The following ACOXL variants were observed in gnomAD, a reference collection of about 807,000 sequenced individuals.
ACOXL encodes acyl-CoA oxidase like, also known as acyl-coenzyme A oxidase-like protein.
A neutral mutation model predicts 71.9 loss-of-function variants in ACOXL; 70 were observed. That is an observed-to-expected ratio of 0.97 (90% CI 0.80 to 1.19). The LOEUF is 1.19. Among genes scored for constraint, ACOXL ranks in the 50% most tolerant of loss-of-function variants. The probability of loss-of-function intolerance (pLI) is 0.00; values close to 1 mark genes in which losing one functional copy is unlikely to be tolerated. For missense variants in ACOXL, 703 were observed against 736.3 expected (o/e 0.95, Z 0.52); for synonymous variants, 253 against 281.6 (o/e 0.90, Z 1.02).
intron 13 of ACOXL, among the ~76,000 whole-genome samples, chr2:110,991,480 T>C (rs1023008362): frequency 6.6e-6 from 1 of 152,202 alleles, no homozygotes; most frequent in Non-Finnish European, 1.5e-5. Flanking sequence ...TTTTTTCTTT[T>C]GTGTATTTTT....
chr2:110,933,604 C>T lies in ACOXL; in HGVS notation c.1021C>T (p.Arg341Cys), dbSNP rs185887789. 3.1e-4 allele frequency: 502 copies of T among 1,613,410 alleles called. 1 individual carries two copies. The highest frequency in any genetic ancestry group is 5.3e-4 in the Middle Eastern group (3 of 5,614). Residue 341 changes from arginine (R) to cysteine (C), a missense_variant, in exon 12 of 18, where the codon CGC becomes TGC. By Grantham distance (180) the Arg-to-Cys change is radical. Transcript: ENST00000439055. The stretch of plus-strand genomic sequence containing the variant: ...GGCCTACAGCACCTGGGAGAACATC[C>T]GCTGCCTGCAGGACTGCCGCGAGTG... ...LKAYSTWENI[R>C]CLQDCRECTG...
intron 16 of ACOXL, among the ~76,000 whole-genome samples, chr2:111,057,557 G>A (rs1467004992): frequency 6.6e-6 from 1 of 152,190 alleles, no homozygotes; most frequent in Non-Finnish European, 1.5e-5. Context: ...CCAGGCCAGG[G>A]GCCAGGAGTA....
chr2:110,885,096 G>C (rs1697116986), intron 10 of ACOXL, among the ~76,000 whole-genome samples: 1 of 152,128 alleles, frequency 6.6e-6, no homozygotes, highest in South Asian at 2.1e-4. Flanking sequence ...CCAAATTTGT[G>C]GTCTGTATAT....
At chr2:110,778,206 A>T (rs1292824736) in intron 2 of ACOXL, among the ~76,000 whole-genome samples, 2 of 152,188 alleles carry the variant, frequency 1.3e-5, no homozygotes, top group African/African-American at 4.8e-5. Context: ...CCTTCTACTG[A>T]CGCTGTGAGG....
chr2:110,931,579 G>A (rs77094116), intron 11 of ACOXL, among the ~76,000 whole-genome samples: 4,161 of 152,226 alleles, frequency 0.027, 262 homozygotes, highest in East Asian at 0.2. Context: ...AGAGCCCTGG[G>A]TTTAAATGCT....
At chr2:110,984,813 C>A (rs2062856187) in intron 12 of ACOXL, among the ~76,000 whole-genome samples, 6 of 152,202 alleles carry the variant, frequency 3.9e-5, no homozygotes, top group Admixed American at 3.9e-4. Flanking sequence ...TGTACTTATT[C>A]ATTTACTCAA....
intron 12 of ACOXL, among the ~76,000 whole-genome samples, chr2:110,982,706 G>T (rs1458201739): frequency 6.6e-6 from 1 of 152,174 alleles, no homozygotes; most frequent in African/African-American, 2.4e-5. Flanking sequence ...TGTATTTCAG[G>T]TAAACAAGAA....
intron 1 of ACOXL, among the ~76,000 whole-genome samples, chr2:110,764,653 TG>T (rs1168507881): frequency 6.6e-6 from 1 of 152,038 alleles, no homozygotes; most frequent in East Asian, 1.9e-4. Context: ...TGAATTTGGG[TG>T]ATAATGATGG....
At chr2:110,892,153 A>G (rs1697994400) in intron 10 of ACOXL, among the ~76,000 whole-genome samples, 1 of 152,090 alleles carries the variant, frequency 6.6e-6, no homozygotes, top group Non-Finnish European at 1.5e-5. Flanking sequence ...TTTAATTTTC[A>G]ATTATGTGCA....
At chr2:110,878,507 A>G (rs1696206699) in intron 10 of ACOXL, among the ~76,000 whole-genome samples, 1 of 152,250 alleles carries the variant, frequency 6.6e-6, no homozygotes, top group African/African-American at 2.4e-5. Flanking sequence ...TCATGCCTGT[A>G]ATTCTAGCAC....
chr2:110,818,419 A>ATGTG (rs1485183767), intron 9 of ACOXL, among the ~76,000 whole-genome samples: 1 of 141,712 alleles, frequency 7.1e-6, no homozygotes, highest in African/African-American at 2.7e-5. Context: ...ACATATATAT[A>ATGTG]TATATGTGTG....
chr2:111,102,719 G>A (rs1006329757), intron 17 of ACOXL, among the ~76,000 whole-genome samples: 1 of 152,118 alleles, frequency 6.6e-6, no homozygotes, highest in Non-Finnish European at 1.5e-5. Flanking sequence ...GTTAAGGATA[G>A]TGGATTTTAT....
intron 17 of ACOXL, among the ~76,000 whole-genome samples, chr2:111,113,967 C>T (rs983860662): frequency 6.6e-6 from 1 of 152,178 alleles, no homozygotes; most frequent in Non-Finnish European, 1.5e-5. Context: ...GAGTTGGCTG[C>T]ATAGAGATTC....
chr2:110,833,847 G>A (rs71425289), intron 9 of ACOXL, among the ~76,000 whole-genome samples: 1,985 of 152,210 alleles, frequency 0.013, 25 homozygotes, highest in Non-Finnish European at 0.022. Flanking sequence ...AGGAGAAAAA[G>A]TGTTTTCCTG....
At chr2:110,965,938 C>G (rs2061908053) in intron 12 of ACOXL, among the ~76,000 whole-genome samples, 1 of 152,164 alleles carries the variant, frequency 6.6e-6, no homozygotes, top group Non-Finnish European at 1.5e-5. Flanking sequence ...ACCTAATCCC[C>G]TAGCCAAGGG....
chr2:110,805,792 T>C (rs1008088955), intron 9 of ACOXL, among the ~76,000 whole-genome samples: 1 of 152,156 alleles, frequency 6.6e-6, no homozygotes, highest in Non-Finnish European at 1.5e-5. Context: ...TCCTCATGTG[T>C]CTGTATAGGG....
intron 12 of ACOXL, among the ~76,000 whole-genome samples, chr2:110,972,690 A>G (rs1001287331): frequency 3.9e-5 from 6 of 152,028 alleles, no homozygotes; most frequent in East Asian, 3.9e-4. Flanking sequence ...ATTCAAGGTC[A>G]GCAAAGGAAA....
At chr2:110,746,452 G>T (rs1247352139) in intron 1 of ACOXL, among the ~76,000 whole-genome samples, 1 of 151,956 alleles carries the variant, frequency 6.6e-6, no homozygotes, top group African/African-American at 2.4e-5. Flanking sequence ...TGAGGGAATC[G>T]CCATGTCCAC....
At chr2:110,812,632 C>T (rs1192952848) in intron 9 of ACOXL, among the ~76,000 whole-genome samples, 1 of 152,234 alleles carries the variant, frequency 6.6e-6, no homozygotes, top group African/African-American at 2.4e-5. Context: ...AAACATTTCT[C>T]CTTAAAAGAT....
Sources: allele counts gnomAD v4.1 joint callset (sites outside exome capture counted in the v4.1 genomes callset), GRCh38; gene constraint gnomAD v4.1.1; transcripts MANE v1.5; gene names NCBI Gene and HGNC (gene_info 2026-07-23, HGNC 2026-07-21).